LRP1B: variants seen among roughly 807,000 people sequenced by gnomAD.
LRP1B encodes the protein LDL receptor related protein 1B, also known as low-density lipoprotein receptor-related protein 1B.
A neutral mutation model predicts 556.6 loss-of-function variants in LRP1B; 217 were observed. The ratio of observed to expected loss-of-function variants is 0.39; its 90% CI spans 0.35 to 0.44. The LOEUF is 0.44. Ranked by LOEUF, LRP1B falls within the 20% of genes least tolerant of loss-of-function variation. LRP1B has a pLI of 1.00. For missense variants in LRP1B, 5,053 were observed against 5,620.8 expected (o/e 0.90, Z 3.23); for synonymous variants, 2,047 against 1,865.8 (o/e 1.10, Z -2.50).
At chr2:141,413,802 A>G (rs747056359) in intron 3 of LRP1B, among the ~76,000 whole-genome samples, 4 of 151,858 alleles carry the variant, frequency 2.6e-5, no homozygotes, top group Non-Finnish European at 5.9e-5. Flanking sequence ...ACCTGAGCAC[A>G]GGGAGGTTGA....
intron 7 of LRP1B, among the ~76,000 whole-genome samples, chr2:141,157,971 T>C (rs766158693): frequency 6.4e-4 from 98 of 152,286 alleles, no homozygotes; most frequent in Admixed American, 2.6e-3. Context: ...TTAGTGTATC[T>C]ACAAATACAC....
chr2:140,280,495 T>A (rs1682871242), intron 84 of LRP1B, among the ~76,000 whole-genome samples: 1 of 151,654 alleles, frequency 6.6e-6, no homozygotes. Context: ...GCTATAAATA[T>A]AAAATGGAAA....
At chr2:141,413,950 G>T (rs554027861) in intron 3 of LRP1B, among the ~76,000 whole-genome samples, 165 of 151,896 alleles carry the variant, frequency 1.1e-3, no homozygotes, top group African/African-American at 3.4e-3. Context: ...AGAGAAAGAG[G>T]CTGGGCGCAG....
intron 58 of LRP1B, among the ~76,000 whole-genome samples, chr2:140,486,837 G>A (rs1186289420): frequency 6.6e-6 from 1 of 151,584 alleles, no homozygotes; most frequent in Non-Finnish European, 1.5e-5. Context: ...CTTGAATCCA[G>A]CTTACTATTT....
At position 141,458,275 on chromosome 2, in the gene LRP1B, T is replaced by C. The variant is rs557393170; in HGVS notation, c.343+22121A>G. On this transcript the variant is annotated intron_variant, in intron 3 of 90. Coordinates refer to ENST00000389484, the MANE Select transcript of LRP1B (RefSeq NM_018557.3). ...TTTTGAAGTGTTTCTACTTTTCTCC[T>C]TGAACTGACATCAGAATTCCCAATG... is the stretch of plus-strand genomic sequence containing the variant. Among the ~76,000 whole-genome samples, 5 of 152,334 alleles carry C rather than the reference T, an allele frequency of 3.3e-5. 1 individual carries two copies. The South Asian group carries it at 1.0e-3, about 32-fold the overall frequency.
At chr2:140,899,035 C>G (rs796790464) in intron 23 of LRP1B, 39 of 310,596 alleles carry the variant, frequency 1.3e-4, no homozygotes, top group African/African-American at 7.7e-4. Flanking sequence ...GATCTGTCCA[C>G]TTGATATGGA....
At chr2:141,595,731 C>T (rs1687492714) in intron 2 of LRP1B, among the ~76,000 whole-genome samples, 1 of 151,998 alleles carries the variant, frequency 6.6e-6, no homozygotes, top group African/African-American at 2.4e-5. Context: ...GTTCCCGTTG[C>T]CATCACAAGC....
chr2:140,700,658 A>C, intron 40 of LRP1B, 37 bp from the exon 41 acceptor site: 2 of 1,583,844 alleles, frequency 1.3e-6, no homozygotes, highest in Non-Finnish European at 1.7e-6. Context: ...GCACATGTTT[A>C]TGTTTTTCTT....
chr2:140,610,418 A>T (rs1559003663), intron 41 of LRP1B, among the ~76,000 whole-genome samples: 1 of 152,182 alleles, frequency 6.6e-6, no homozygotes, highest in East Asian at 1.9e-4. Context: ...CAGGGTCTGC[A>T]TATTTATGCT....
In LRP1B at chr2:141,812,563, G is replaced by C. The variant is rs183932166; in HGVS notation, c.83-2162C>G. Among the ~76,000 whole-genome samples, 41 of 152,132 alleles carry C rather than the reference G, an allele frequency of 2.7e-4. No homozygotes were observed. The East Asian group carries it at 7.9e-3, about 29-fold the overall frequency. ...AAGTACTTGTTGAAAATATAAAGGA[G>C]TAAAGAAGACCATAAAAATGATTTA... On this transcript the variant is annotated intron_variant, in intron 1 of 90. Transcript: ENST00000389484.
chr2:141,496,323 T>C (rs1407500971), intron 2 of LRP1B, among the ~76,000 whole-genome samples: 1 of 151,788 alleles, frequency 6.6e-6, no homozygotes, highest in Non-Finnish European at 1.5e-5. Context: ...CACCTAGAGG[T>C]CTTAAAGTGC....
intron 12 of LRP1B, 89 bp downstream of exon 12, chr2:141,019,832 TG>T: frequency 1.0e-6 from 1 of 978,546 alleles, no homozygotes; most frequent in Middle Eastern, 2.8e-4. Context: ...GCTATACATA[TG>T]GATTTAAATA....
chr2:141,919,596 G>A (rs182126692), intron 1 of LRP1B, among the ~76,000 whole-genome samples: 7 of 152,140 alleles, frequency 4.6e-5, no homozygotes, highest in Admixed American at 4.6e-4. Flanking sequence ...GTCATAGACA[G>A]ATTAAGTCTA....
chr2:140,727,228 C>T (rs1227776038), intron 35 of LRP1B, among the ~76,000 whole-genome samples: 1 of 152,114 alleles, frequency 6.6e-6, no homozygotes, highest in Non-Finnish European at 1.5e-5. Flanking sequence ...ACTGATGAAG[C>T]TGCAACGTTC....
chr2:140,630,089 C>T (rs982728633), intron 41 of LRP1B, among the ~76,000 whole-genome samples: 4 of 152,150 alleles, frequency 2.6e-5, no homozygotes, highest in Non-Finnish European at 4.4e-5. Flanking sequence ...GTTCTTATAG[C>T]GTGGTTGATG....
chr2:141,871,025 G>A (rs1698569855), intron 1 of LRP1B, among the ~76,000 whole-genome samples: 1 of 151,866 alleles, frequency 6.6e-6, no homozygotes, highest in Non-Finnish European at 1.5e-5. Flanking sequence ...ATTGTGTATA[G>A]TGAACACCCA....
chr2:140,494,410 G>A (rs967525524), intron 56 of LRP1B, among the ~76,000 whole-genome samples: 1 of 151,998 alleles, frequency 6.6e-6, no homozygotes, highest in African/African-American at 2.4e-5. Flanking sequence ...TCCAATCCTG[G>A]TGAACACGGT....
At position 140,701,840 on chromosome 2, in the gene LRP1B, T is replaced by A. The variant is rs776033501; in HGVS notation, c.6308A>T (p.His2103Leu). The change falls in exon 40 of 91, where the codon CAT becomes CTT. Residue 2103 changes from histidine (H) to leucine (L), a missense_variant. His to Leu is a moderately conservative substitution (Grantham distance 99, BLOSUM62 -3). Coordinates refer to ENST00000389484, the MANE Select transcript of LRP1B (RefSeq NM_018557.3). ...GAYIYWSDRA[H>L]ANGSVRRGHK... ...GCCCCTTCTGACAGACCCGTTTGCA[T>A]GTGCTCTGCCAAAAAGTTGAACATA... The A allele has an allele frequency of 3.7e-6, 6 of 1,612,910 alleles. No individual in the cohort carries two copies. Among genetic ancestry groups the A allele is most frequent in the Non-Finnish European group, 5.1e-6 (6 of 1,179,284 alleles).
chr2:141,894,867 T>C (rs1051222164), intron 1 of LRP1B, among the ~76,000 whole-genome samples: 8 of 151,784 alleles, frequency 5.3e-5, no homozygotes, highest in African/African-American at 1.7e-4. Flanking sequence ...CTGACCAATA[T>C]GGAGAAACCC....
Sources: gnomAD v4.1 joint callset for allele counts (sites outside exome capture counted in the v4.1 genomes callset) on GRCh38, gnomAD v4.1.1 for gene constraint, MANE v1.5 for transcripts, NCBI Gene and HGNC (gene_info 2026-07-23, HGNC 2026-07-21) for gene names.